Variants in THAP5 observed in about 807,000 individuals in gnomAD.
THAP5 encodes THAP domain-containing protein 5.
Under a neutral mutation model 34.0 loss-of-function variants are expected in THAP5, and 26 were observed. The observed-to-expected ratio is 0.77, with a 90% CI of 0.56 to 1.06. The LOEUF (loss-of-function observed/expected upper bound fraction) is 1.06, where lower values mean the gene tolerates loss of function less well. THAP5 is among the 50% of genes least tolerant of loss of function. THAP5 has a pLI of 0.00. For synonymous variants in THAP5, 125 were observed against 153.0 expected (o/e 0.82, Z 1.35); for missense variants, 394 against 452.8 (o/e 0.87, Z 1.18).
chr7:108,565,081 A>AT lies in THAP5; in HGVS notation c.297dup (p.Ser100IlefsTer9), dbSNP rs745348876. On this transcript the variant is annotated frameshift_variant, in exon 3 of 3. Coordinates refer to ENST00000415914, the MANE Select transcript of THAP5 (RefSeq NM_001130475.3). LOFTEE classifies it high-confidence loss of function. Reference sequence around the variant, plus strand: ...TCATCTTCCAAGTTTTTCTTCTGGGATTTTTTTTTAGAAGGGTCTTTTCCC... The same window carrying AT: ...TCATCTTCCAAGTTTTTCTTCTGGGATTTTTTTTTTAGAAGGGTCTTTTCCC... 5.5e-5 allele frequency: 83 copies of AT among 1,506,864 alleles called. No individual in the cohort carries two copies. The highest frequency in any genetic ancestry group is 1.3e-4 in the South Asian group (10 of 76,248). 93.3% of individuals were successfully genotyped at this position (1,506,864 alleles called of 1,614,324 possible). A position where few individuals can be genotyped will look rare whatever the true frequency, so the allele number is the denominator to read the frequency against.
chr7:108,564,696 G>A lies in THAP5; in HGVS notation c.683C>T (p.Thr228Ile). The change falls in exon 3 of 3, where the codon ACT becomes ATT. Residue 228 changes from threonine to isoleucine, a missense_variant. Physicochemically the swap from Thr to Ile is moderately conservative, Grantham distance 89. Transcript: ENST00000415914. ...SLETQEVLEV[T>I]TSHLANPNFT... Reference sequence around the variant, plus strand: ...GTTTGGATTAGCAAGATGACTGGTAGTTACTTCAAGAACTTCTTGAGTTTC... The same window carrying A: ...GTTTGGATTAGCAAGATGACTGGTAATTACTTCAAGAACTTCTTGAGTTTC... The A allele has an allele frequency of 3.7e-6, 6 of 1,613,934 alleles. No homozygotes were observed. The highest frequency in any genetic ancestry group is 5.1e-6 in the Non-Finnish European group (6 of 1,179,942).
At chr7:108,545,518 T>G in the THAP5 span, among the ~76,000 whole-genome samples, 1 of 152,154 alleles carries the variant, frequency 6.6e-6, no homozygotes, top group African/African-American at 2.4e-5. Flanking sequence ...GAGAATAAAT[T>G]TAGGTAGAGC....
At chr7:108,542,159 GATCTAT>G in the THAP5 span, among the ~76,000 whole-genome samples, 6 of 152,036 alleles carry the variant, frequency 3.9e-5, no homozygotes, top group Admixed American at 1.3e-4. Flanking sequence ...AATTGCTTAG[GATCTAT>G]ATCTATATCT....
the THAP5 span, among the ~76,000 whole-genome samples, chr7:108,546,775 T>G: frequency 6.6e-6 from 1 of 152,192 alleles, no homozygotes. Flanking sequence ...TTAAAAAGCT[T>G]TGTTTACAGT....
At chr7:108,561,291 TCTCA>T, downstream of THAP5, among the ~76,000 whole-genome samples, 1 of 151,074 alleles carries the variant, frequency 6.6e-6, no homozygotes, top group South Asian at 2.1e-4. Context: ...AAAGACACGG[TCTCA>T]CTTTGATGCC....
chr7:108,569,428 CA>C, intron 1 of THAP5, 61 bp downstream of exon 1: 1 of 1,550,000 alleles, frequency 6.5e-7, no homozygotes, highest in South Asian at 1.2e-5. Context: ...CACCCAAGCC[CA>C]AAGGCCACAG....
downstream of THAP5, among the ~76,000 whole-genome samples, chr7:108,558,507 G>C (rs926789741): frequency 2.7e-4 from 40 of 149,474 alleles, no homozygotes; most frequent in African/African-American, 9.6e-4. Flanking sequence ...AAGCAATTCT[G>C]CTGCCTCAGC....
At chr7:108,562,074 G>C (rs1229342190), downstream of THAP5, among the ~76,000 whole-genome samples, 1 of 152,128 alleles carries the variant, frequency 6.6e-6, no homozygotes, top group South Asian at 2.1e-4. Flanking sequence ...TTTCCTTTGC[G>C]TGTCATGTTT....
chr7:108,556,646 T>A (rs575161933), intron 1 of THAP5, among the ~76,000 whole-genome samples: 4 of 152,354 alleles, frequency 2.6e-5, no homozygotes, highest in Admixed American at 2.0e-4. Context: ...CCTGTGACTC[T>A]ACAGGGTAAA....
downstream of THAP5, among the ~76,000 whole-genome samples, chr7:108,559,634 CTGAG>C (rs1439247160): frequency 2.6e-5 from 4 of 152,154 alleles, no homozygotes; most frequent in African/African-American, 9.7e-5. Context: ...ATACCTGAGA[CTGAG>C]TAATTTATAA....
chr7:108,564,325 C>G lies in THAP5; in HGVS notation c.1054G>C (p.Glu352Gln). The change falls in exon 3 of 3, where the codon GAG becomes CAG. Residue 352 changes from glutamate to glutamine, a missense_variant. Glu to Gln is a conservative substitution (Grantham distance 29, BLOSUM62 2). Transcript: ENST00000415914. ...HSKITLLELK[E>Q]QQTLGRLKSL... ...TTCAATCTACCTAGAGTTTGTTGCT[C>G]TTTTAACTCTAGAAGAGTTATCTTT... The G allele has an allele frequency of 6.2e-7, 1 of 1,613,888 alleles. No individual in the cohort carries two copies. Among genetic ancestry groups the G allele is most frequent in the Non-Finnish European group, 8.5e-7 (1 of 1,179,896 alleles).
downstream of THAP5, among the ~76,000 whole-genome samples, chr7:108,560,769 C>A (rs1487246510): frequency 6.6e-6 from 1 of 152,208 alleles, no homozygotes; most frequent in Non-Finnish European, 1.5e-5. Context: ...GTGACAGGGT[C>A]TCACTCTGTT....
chr7:108,569,724 T>C, upstream of THAP5: 3 of 979,458 alleles, frequency 3.1e-6, no homozygotes, highest in South Asian at 4.7e-5. Flanking sequence ...CACTTCCGCC[T>C]CCTCCGGTTT....
At chr7:108,561,455 G>A (rs533622047), downstream of THAP5, among the ~76,000 whole-genome samples, 7 of 145,490 alleles carry the variant, frequency 4.8e-5, no homozygotes, top group Non-Finnish European at 1.0e-4. Flanking sequence ...TTTTTCTAGA[G>A]ACAGGGTTTC....
Position 108,569,651 on chromosome 7 carries a change from G to C in THAP5, c.-82C>G. 6.6e-7 allele frequency: 1 copy of C among 1,511,674 alleles called. No individual in the cohort carries two copies. The highest frequency in any genetic ancestry group is 8.9e-7 in the Non-Finnish European group (1 of 1,121,494). The allele number at this position is 1,511,674 out of a possible 1,614,324, so 93.6% of individuals were successfully genotyped here. A position where few individuals can be genotyped will look rare whatever the true frequency, so the allele number is the denominator to read the frequency against. On this transcript the variant is annotated 5_prime_UTR_variant, in exon 1 of 3. Coordinates refer to ENST00000415914, the MANE Select transcript of THAP5 (RefSeq NM_001130475.3). The stretch of plus-strand genomic sequence containing the variant: ...TCACTGAGGATGCGCCACAGGTCCA[G>C]GCCTCTCGAGCCCCTGCGCCTGCGC...
At chr7:108,553,988 C>T (rs1207506591), downstream of THAP5, among the ~76,000 whole-genome samples, 1 of 152,036 alleles carries the variant, frequency 6.6e-6, no homozygotes, top group East Asian at 1.9e-4. Flanking sequence ...AAACAATCCC[C>T]AATAAGGGCA....
the THAP5 span, among the ~76,000 whole-genome samples, chr7:108,544,394 G>T: frequency 6.6e-6 from 1 of 151,836 alleles, no homozygotes; most frequent in African/African-American, 2.4e-5. Context: ...AGCTGGGCAT[G>T]GTGGCAGGCG....
Position 108,569,654 on chromosome 7 carries a change from C to T in THAP5, c.-85G>A. On this transcript the variant is annotated 5_prime_UTR_variant, in exon 1 of 3. Transcript: ENST00000415914. ...CTGAGGATGCGCCACAGGTCCAGGC[C>T]TCTCGAGCCCCTGCGCCTGCGCTAG... is the stretch of plus-strand genomic sequence containing the variant. 2.7e-6 allele frequency: 4 copies of T among 1,502,304 alleles called. No homozygotes were observed. The highest frequency in any genetic ancestry group is 2.0e-5 in the Admixed American group (1 of 49,362). The allele number at this position is 1,502,304 out of a possible 1,614,324, so 93.1% of individuals were successfully genotyped here. A position where few individuals can be genotyped will look rare whatever the true frequency, so the allele number is the denominator to read the frequency against.
chr7:108,556,148 C>T (rs1215516764), intron 1 of THAP5, among the ~76,000 whole-genome samples: 2 of 152,146 alleles, frequency 1.3e-5, no homozygotes, highest in East Asian at 1.9e-4. Flanking sequence ...TCCCACCAGG[C>T]CCCTCCTCTC....
Sources: gnomAD v4.1 joint callset for allele counts (sites outside exome capture counted in the v4.1 genomes callset) on GRCh38, gnomAD v4.1.1 for gene constraint, MANE v1.5 for transcripts, NCBI Gene and HGNC (gene_info 2026-07-23, HGNC 2026-07-21) for gene names.